NT5DC1: variants seen among roughly 807,000 people sequenced by gnomAD.
The protein encoded by NT5DC1 is 5'-nucleotidase domain containing 1.
In NT5DC1, 42 loss-of-function variants were observed where a neutral mutation model predicts 59.4. That is an observed-to-expected ratio of 0.71 (90% CI 0.55 to 0.92). The LOEUF (loss-of-function observed/expected upper bound fraction) is 0.92. Ranked by LOEUF, NT5DC1 falls within the 40% of genes least tolerant of loss-of-function variation. The pLI is 0.00. For missense variants in NT5DC1, 501 were observed against 537.1 expected (o/e 0.93, Z 0.66); for synonymous variants, 172 against 188.1 (o/e 0.91, Z 0.70).
intron 6 of NT5DC1, among the ~76,000 whole-genome samples, chr6:116,201,848 T>A (rs1014176262): frequency 6.6e-6 from 1 of 152,068 alleles, no homozygotes; most frequent in African/African-American, 2.4e-5. Context: ...TCTACTTTTT[T>A]AAATGCTCTA....
intron 6 of NT5DC1, among the ~76,000 whole-genome samples, chr6:116,170,639 C>G (rs1031892792): frequency 6.6e-6 from 1 of 152,174 alleles, no homozygotes; most frequent in African/African-American, 2.4e-5. Context: ...CTATTAAGAA[C>G]TGTTTGTGGA....
chr6:116,145,901 C>T (rs1336316347), intron 6 of NT5DC1, among the ~76,000 whole-genome samples: 1 of 152,190 alleles, frequency 6.6e-6, no homozygotes, highest in Admixed American at 6.5e-5. Flanking sequence ...TTGAGAGCAG[C>T]AAACACCTGT....
intron 8 of NT5DC1, among the ~76,000 whole-genome samples, chr6:116,228,766 TCTG>T (rs1476321405): frequency 6.6e-5 from 10 of 152,344 alleles, no homozygotes; most frequent in Admixed American, 6.5e-4. Flanking sequence ...ATGTGTCTAT[TCTG>T]CTGCTGATTC....
chr6:116,164,869 G>A (rs1362972087), intron 6 of NT5DC1, among the ~76,000 whole-genome samples: 3 of 152,034 alleles, frequency 2.0e-5, no homozygotes, highest in African/African-American at 4.8e-5. Context: ...AGATCATAAG[G>A]TCAGGAGATC....
chr6:116,101,556 A>G (rs762260053), intron 1 of NT5DC1, among the ~76,000 whole-genome samples: 1 of 152,222 alleles, frequency 6.6e-6, no homozygotes, highest in Non-Finnish European at 1.5e-5. Context: ...AAGGAACACT[A>G]GTTGAAAAGT....
intron 2 of NT5DC1, among the ~76,000 whole-genome samples, chr6:116,106,833 C>T (rs1234223332): frequency 6.6e-6 from 1 of 152,156 alleles, no homozygotes; most frequent in Non-Finnish European, 1.5e-5. Flanking sequence ...CCCAAAGCTT[C>T]GTTTGTCTTC....
At chr6:116,118,082 G>A in intron 6 of NT5DC1, 137 bp downstream of exon 6, 3 of 679,726 alleles carry the variant, frequency 4.4e-6, no homozygotes, top group Non-Finnish European at 8.1e-6. Context: ...TATAAAGTTG[G>A]TTCTGACTAC....
intron 6 of NT5DC1, among the ~76,000 whole-genome samples, chr6:116,194,890 C>T (rs755539268): frequency 9.9e-5 from 15 of 151,950 alleles, no homozygotes; most frequent in Non-Finnish European, 2.1e-4. Context: ...TAGTTTGATA[C>T]AAGCATATTT....
intron 6 of NT5DC1, among the ~76,000 whole-genome samples, chr6:116,180,431 T>C (rs1162331940): frequency 6.6e-6 from 1 of 152,052 alleles, no homozygotes; most frequent in Non-Finnish European, 1.5e-5. Flanking sequence ...TTATAATCCC[T>C]AATGAAATAA....
chr6:116,145,800 T>C (rs1160534200), intron 6 of NT5DC1, among the ~76,000 whole-genome samples: 1 of 152,252 alleles, frequency 6.6e-6, no homozygotes, highest in Non-Finnish European at 1.5e-5. Context: ...TACTATTTTA[T>C]TTTTAGCAGT....
chr6:116,199,491 G>A (rs1339928090), intron 6 of NT5DC1, among the ~76,000 whole-genome samples: 2 of 152,020 alleles, frequency 1.3e-5, no homozygotes, highest in African/African-American at 2.4e-5. Context: ...AAATATGTAT[G>A]TACAAAAGCA....
intron 6 of NT5DC1, among the ~76,000 whole-genome samples, chr6:116,213,486 C>T (rs1050748188): frequency 6.6e-5 from 10 of 152,152 alleles, no homozygotes; most frequent in African/African-American, 2.4e-4. Context: ...CAGGGTCATT[C>T]GCACTGCATT....
rs1453874165 is a variant in NT5DC1, at chr6:116,245,179, T to C, written c.*1155T>C. 6.6e-6 allele frequency: 1 copy of C among 152,200 alleles called. No homozygotes were observed. Among genetic ancestry groups the C allele is most frequent in the Non-Finnish European group, 1.5e-5 (1 of 68,014 alleles). 9.4% of individuals were successfully genotyped at this position (152,200 alleles called of 1,614,324 possible). The stretch of plus-strand genomic sequence containing the variant: ...GTTCTATGTGCCGTGTATGGTCATA[T>C]TAGTAGCTATTTGTTGCAAGATACT... On this transcript the variant is annotated 3_prime_UTR_variant, in exon 12 of 12. Transcript: ENST00000319550.
intron 6 of NT5DC1, among the ~76,000 whole-genome samples, chr6:116,200,445 G>A (rs1030385900): frequency 5.3e-5 from 8 of 152,002 alleles, no homozygotes; most frequent in South Asian, 2.1e-4. Flanking sequence ...TGTGACAAAT[G>A]TACCATAATA....
chr6:116,195,679 C>T (rs1332403120), intron 6 of NT5DC1, among the ~76,000 whole-genome samples: 1 of 151,974 alleles, frequency 6.6e-6, no homozygotes, highest in Non-Finnish European at 1.5e-5. Context: ...GGAAAAGGCA[C>T]ATCTTTAGAA....
intron 4 of NT5DC1, among the ~76,000 whole-genome samples, chr6:116,114,869 T>A (rs1177228921): frequency 6.6e-6 from 1 of 152,168 alleles, no homozygotes; most frequent in Non-Finnish European, 1.5e-5. Context: ...CTGAACCTGT[T>A]CTAAATGTGA....
intron 6 of NT5DC1, among the ~76,000 whole-genome samples, chr6:116,127,985 C>T (rs1779365592): frequency 6.6e-6 from 1 of 152,058 alleles, no homozygotes; most frequent in South Asian, 2.1e-4. Context: ...CTAAGCTCCT[C>T]CCAGTTTTAA....
intron 6 of NT5DC1, among the ~76,000 whole-genome samples, chr6:116,158,331 T>C (rs140863354): frequency 2.6e-5 from 4 of 152,134 alleles, no homozygotes; most frequent in Non-Finnish European, 4.4e-5. Context: ...CTTTCCTCCT[T>C]CTGTTTAAAT....
intron 6 of NT5DC1, among the ~76,000 whole-genome samples, chr6:116,174,058 A>G (rs1369603671): frequency 5.3e-5 from 8 of 152,208 alleles, no homozygotes; most frequent in East Asian, 1.9e-4. Context: ...TTCCATGACT[A>G]GACTGCAGTT....
Sources: gnomAD v4.1 joint callset for allele counts (sites outside exome capture counted in the v4.1 genomes callset) on GRCh38, gnomAD v4.1.1 for gene constraint, MANE v1.5 for transcripts, NCBI Gene and HGNC (gene_info 2026-07-23, HGNC 2026-07-21) for gene names.